The following LHFPL3 variants were observed in gnomAD, a reference collection of about 807,000 sequenced individuals.
LHFPL3 encodes LHFPL tetraspan subfamily member 3, also known as LHFPL tetraspan subfamily member 3 protein.
Under a neutral mutation model 19.3 loss-of-function variants are expected in LHFPL3, and 5 were observed. The ratio of observed to expected loss-of-function variants is 0.26; its 90% CI spans 0.14 to 0.54. The LOEUF is 0.54. LHFPL3 is among the 20% of genes least tolerant of loss of function. LHFPL3 has a pLI of 0.94. For synonymous variants in LHFPL3, 133 were observed against 126.2 expected, an observed-to-expected ratio of 1.05 and a Z score of -0.36; for missense variants, 249 against 307.4, an observed-to-expected ratio of 0.81 and a Z score of 1.42.
chr7:104,644,412 G>A (rs1030799422), intron 1 of LHFPL3, among the ~76,000 whole-genome samples: 17 of 152,216 alleles, frequency 1.1e-4, no homozygotes, highest in Admixed American at 9.2e-4. Context: ...TAAACTGCCT[G>A]TAACACAGGC....
At chr7:104,861,954 T>G (rs1053592923) in intron 2 of LHFPL3, among the ~76,000 whole-genome samples, 1 of 152,128 alleles carries the variant, frequency 6.6e-6, no homozygotes, top group African/African-American at 2.4e-5. Context: ...GGCTGGCTCG[T>G]GGTAGGGCTG....
At chr7:104,554,688 T>TAGAC (rs376205691) in intron 1 of LHFPL3, among the ~76,000 whole-genome samples, 3,783 of 120,802 alleles carry the variant, frequency 0.031, 231 homozygotes, top group Middle Eastern at 0.039. Context: ...GATAGATAGA[T>TAGAC]AGACAGACAG....
chr7:104,432,540 G>C (rs1384186655), intron 1 of LHFPL3, among the ~76,000 whole-genome samples: 1 of 152,068 alleles, frequency 6.6e-6, no homozygotes, highest in African/African-American at 2.4e-5. Flanking sequence ...CTCCTTCAAA[G>C]GCCTCAATTG....
At chr7:104,871,007 C>T (rs57437921) in intron 2 of LHFPL3, among the ~76,000 whole-genome samples, 1 of 152,170 alleles carries the variant, frequency 6.6e-6, no homozygotes, top group East Asian at 1.9e-4. Context: ...CTGGAGCAAA[C>T]AATAGCACTT....
At position 104,662,122 on chromosome 7, in the gene LHFPL3, A is replaced by G. The variant is rs142514744; in HGVS notation, c.446-74553A>G. Reference sequence around the variant, plus strand: ...AAACTTATTAATTGTTTATTTCTTGAATGTTTTATTTAATATTTTCAGACT... The same window carrying G: ...AAACTTATTAATTGTTTATTTCTTGGATGTTTTATTTAATATTTTCAGACT... On this transcript the variant is annotated intron_variant, in intron 1 of 2. Coordinates refer to ENST00000424859, the MANE Select transcript of LHFPL3 (RefSeq NM_199000.3). Among the ~76,000 whole-genome samples the G allele has an allele frequency of 4.1e-4, 62 of 152,274 alleles. No homozygotes were observed. In the East Asian group the frequency reaches 0.012, roughly 29 times the overall value.
chr7:104,817,507 T>C (rs1041247534), intron 2 of LHFPL3, among the ~76,000 whole-genome samples: 4 of 152,206 alleles, frequency 2.6e-5, no homozygotes, highest in African/African-American at 9.6e-5. Context: ...CTTTTGCAAG[T>C]CTCCTAAACG....
At chr7:104,414,689 A>G (rs1791589354) in intron 1 of LHFPL3, among the ~76,000 whole-genome samples, 1 of 152,262 alleles carries the variant, frequency 6.6e-6, no homozygotes, top group South Asian at 2.1e-4. Flanking sequence ...AGATGGTACA[A>G]ACAAGGCCTT....
chr7:104,433,591 G>A (rs1584317205), intron 1 of LHFPL3, among the ~76,000 whole-genome samples: 1 of 152,196 alleles, frequency 6.6e-6, no homozygotes. Context: ...CTGCTTCTCT[G>A]CACTGAAAGC....
At chr7:104,792,214 C>G (rs2470964) in intron 2 of LHFPL3, among the ~76,000 whole-genome samples, 103,709 of 151,954 alleles carry the variant, frequency 0.68, 35,724 homozygotes, top group East Asian at 0.95. Flanking sequence ...ACTCAGGAAG[C>G]CGTCTTGGGA....
chr7:104,730,164 T>C (rs1007593443), intron 1 of LHFPL3, among the ~76,000 whole-genome samples: 1 of 152,200 alleles, frequency 6.6e-6, no homozygotes, highest in Non-Finnish European at 1.5e-5. Context: ...TTTGGGTTGG[T>C]TCCAAATCTT....
intron 1 of LHFPL3, among the ~76,000 whole-genome samples, chr7:104,402,088 TAAAA>T (rs11406584): frequency 7.6e-6 from 1 of 132,330 alleles, no homozygotes; most frequent in African/African-American, 2.7e-5. Flanking sequence ...CCGTATAAAC[TAAAA>T]AAAAAAAAAC....
At chr7:104,362,179 A>G (rs1363166983) in intron 1 of LHFPL3, among the ~76,000 whole-genome samples, 1 of 152,204 alleles carries the variant, frequency 6.6e-6, no homozygotes, top group African/African-American at 2.4e-5. Context: ...CTCAGAAATA[A>G]TAGTGAGAGA....
intron 1 of LHFPL3, among the ~76,000 whole-genome samples, chr7:104,602,866 C>T (rs1790995798): frequency 1.3e-5 from 2 of 151,980 alleles, no homozygotes; most frequent in Admixed American, 6.6e-5. Context: ...CAAGAGAATG[C>T]TAAAGAACAA....
chr7:104,725,550 GT>G (rs1332950624), intron 1 of LHFPL3, among the ~76,000 whole-genome samples: 1 of 152,026 alleles, frequency 6.6e-6, no homozygotes, highest in Admixed American at 6.6e-5. Flanking sequence ...CCTGAGAGGT[GT>G]TTTTTTGAAC....
intron 1 of LHFPL3, among the ~76,000 whole-genome samples, chr7:104,554,376 A>T (rs1232364721): frequency 6.6e-6 from 1 of 152,124 alleles, no homozygotes; most frequent in Non-Finnish European, 1.5e-5. Context: ...CTTGCAAGGA[A>T]ATTAACTGGA....
chr7:104,860,730 G>T (rs542676015), intron 2 of LHFPL3, among the ~76,000 whole-genome samples: 1 of 152,274 alleles, frequency 6.6e-6, no homozygotes, highest in African/African-American at 2.4e-5. Context: ...GTTTATAGAA[G>T]AAATTTCAGA....
chr7:104,589,313 TA>T (rs1790653406), intron 1 of LHFPL3, among the ~76,000 whole-genome samples: 1 of 152,238 alleles, frequency 6.6e-6, no homozygotes, highest in Non-Finnish European at 1.5e-5. Flanking sequence ...TGAGAGTTTT[TA>T]GCATGAAGGG....
chr7:104,547,465 T>A (rs192762620), intron 1 of LHFPL3, among the ~76,000 whole-genome samples: 1 of 152,114 alleles, frequency 6.6e-6, no homozygotes, highest in Non-Finnish European at 1.5e-5. Flanking sequence ...ACGAGAATTA[T>A]AGAGTATGAG....
intron 1 of LHFPL3, among the ~76,000 whole-genome samples, chr7:104,597,444 G>T (rs1408939256): frequency 6.6e-6 from 1 of 152,142 alleles, no homozygotes; most frequent in Non-Finnish European, 1.5e-5. Context: ...AAGCTAGTTT[G>T]CAGGCTGCTG....
Sources: allele counts gnomAD v4.1 joint callset (sites outside exome capture counted in the v4.1 genomes callset), GRCh38; gene constraint gnomAD v4.1.1; transcripts MANE v1.5; gene names NCBI Gene and HGNC (gene_info 2026-07-23, HGNC 2026-07-21).